Variants in RTN1 observed in about 807,000 individuals in gnomAD.
RTN1 encodes the protein reticulon 1, also known as reticulon-1.
In RTN1, 25 loss-of-function variants were observed where a neutral mutation model predicts 65.5. The ratio of observed to expected loss-of-function variants is 0.38; its 90% confidence interval spans 0.28 to 0.53. RTN1 has a LOEUF of 0.53. Ranked by LOEUF, RTN1 falls within the 20% of genes least tolerant of loss-of-function variation. RTN1 has a pLI of 0.79. For synonymous variants in RTN1, 471 were observed against 447.6 expected, an observed-to-expected ratio of 1.05 and a Z score of -0.66; for missense variants, 983 against 1,025.4, an observed-to-expected ratio of 0.96 and a Z score of 0.57.
intron 3 of RTN1, among the ~76,000 whole-genome samples, chr14:59,678,929 A>G (rs1206975316): frequency 6.6e-6 from 1 of 152,214 alleles, no homozygotes; most frequent in Non-Finnish European, 1.5e-5. Context: ...TTATGCACAT[A>G]TAAGTTTAAG....
At chr14:59,840,338 C>T (rs1017110402) in intron 1 of RTN1, among the ~76,000 whole-genome samples, 1 of 152,126 alleles carries the variant, frequency 6.6e-6, no homozygotes, top group Non-Finnish European at 1.5e-5. Context: ...TCCAGAAGAG[C>T]TGTAAATGGA....
rs965996980 is a variant in RTN1 at position 59,672,998 on chromosome 14, A to T, written c.1765+53921T>A. 3.9e-5 allele frequency among the ~76,000 whole-genome samples: 6 copies of T among 152,164 alleles called. No homozygotes were observed. The East Asian group carries it at 1.2e-3, about 29-fold the overall frequency. On this transcript the variant is annotated intron_variant, in intron 3 of 8. Transcript: ENST00000267484. ...TAACTAGGAAGCTCAAAGTGAAATA[A>T]TTTACCCCTTTTCTTTATGACATTG...
intron 1 of RTN1, among the ~76,000 whole-genome samples, chr14:59,805,513 G>A (rs1044350189): frequency 6.6e-5 from 10 of 152,068 alleles, no homozygotes; most frequent in African/African-American, 1.9e-4. Context: ...CTTGTCCAAG[G>A]CCCTTATTTA....
chr14:59,664,859 G>GA lies in RTN1; in HGVS notation c.1766-57368dup, dbSNP rs767985404. Among the ~76,000 whole-genome samples the GA allele has an allele frequency of 9.2e-5, 14 of 152,214 alleles. No homozygotes were observed. In the South Asian group the frequency reaches 1.0e-3, roughly 11 times the overall value. On this transcript the variant is annotated intron_variant, in intron 3 of 8. Coordinates refer to ENST00000267484, the MANE Select transcript of RTN1 (RefSeq NM_021136.3). ...TTTTATTTCCCTGGGATAAATGCCAGAGTGCAATTACTGAGTCACAGGATA... is the reference window on the plus strand; with the variant it reads ...TTTTATTTCCCTGGGATAAATGCCAGAAGTGCAATTACTGAGTCACAGGATA...
At chr14:59,723,252 T>A (rs1035623326) in intron 3 of RTN1, among the ~76,000 whole-genome samples, 2 of 151,684 alleles carry the variant, frequency 1.3e-5, no homozygotes, top group South Asian at 2.1e-4. Flanking sequence ...AGGCCATTTG[T>A]TTGGCAAGAA....
chr14:59,630,717 G>GA, intron 3 of RTN1: 1 of 1,126,428 alleles, frequency 8.9e-7, no homozygotes, highest in Non-Finnish European at 1.1e-6. Context: ...CGCGGCCCCG[G>GA]AGCCGCCTGC....
chr14:59,837,935 C>A (rs1887241899), intron 1 of RTN1, among the ~76,000 whole-genome samples: 1 of 151,526 alleles, frequency 6.6e-6, no homozygotes, highest in Non-Finnish European at 1.5e-5. Flanking sequence ...GGTTTGGGGT[C>A]TTTTTAAAAT....
intron 1 of RTN1, among the ~76,000 whole-genome samples, chr14:59,771,040 GT>G (rs1487952104): frequency 4.1e-5 from 6 of 147,218 alleles, no homozygotes; most frequent in Admixed American, 4.1e-4. Context: ...GTGAGACTCC[GT>G]CTCAAAAAAA....
At chr14:59,838,662 T>A (rs1440455477) in intron 1 of RTN1, among the ~76,000 whole-genome samples, 1 of 152,184 alleles carries the variant, frequency 6.6e-6, no homozygotes, top group African/African-American at 2.4e-5. Context: ...CACGTATATA[T>A]GTCTGTATAT....
intron 1 of RTN1, among the ~76,000 whole-genome samples, chr14:59,815,510 T>C (rs1886804253): frequency 6.6e-6 from 1 of 152,200 alleles, no homozygotes; most frequent in African/African-American, 2.4e-5. Flanking sequence ...CTTCACAAGA[T>C]TCTCAGATGG....
chr14:59,659,647 A>G (rs1883200959), intron 3 of RTN1, among the ~76,000 whole-genome samples: 1 of 152,238 alleles, frequency 6.6e-6, no homozygotes, highest in Admixed American at 6.5e-5. Flanking sequence ...ACTAAGCTTC[A>G]TAAGTGAAGA....
intron 3 of RTN1, chr14:59,630,808 C>A: frequency 9.8e-7 from 1 of 1,025,550 alleles, no homozygotes; most frequent in Non-Finnish European, 1.2e-6. Context: ...ACGGGTAAAG[C>A]GGTTCTGGCC....
chr14:59,746,899 A>G (rs1334857008), intron 1 of RTN1, among the ~76,000 whole-genome samples: 1 of 152,326 alleles, frequency 6.6e-6, no homozygotes. Context: ...TAACTGCAAC[A>G]ATAGGATAGC....
intron 1 of RTN1, among the ~76,000 whole-genome samples, chr14:59,811,652 A>G (rs2139613624): frequency 6.6e-6 from 1 of 152,314 alleles, no homozygotes. Context: ...AGATGCATTT[A>G]AAAATATCAC....
At chr14:59,636,111 A>C (rs1243134155) in intron 3 of RTN1, among the ~76,000 whole-genome samples, 1 of 152,240 alleles carries the variant, frequency 6.6e-6, no homozygotes, top group African/African-American at 2.4e-5. Context: ...ACATAGTTGA[A>C]ATAGGAAAGT....
Position 59,705,974 on chromosome 14 carries a change from C to T in RTN1, c.1765+20945G>A, listed in dbSNP as rs528095742. On this transcript the variant is annotated intron_variant, in intron 3 of 8. Coordinates refer to ENST00000267484, the MANE Select transcript of RTN1 (RefSeq NM_021136.3). ...GCTTTTCCTTCCAAGGCACAGAAAG[C>T]GGCTCTCTCTGAAATTCTCTTACCT... Among the ~76,000 whole-genome samples, 11 of 152,272 alleles carry T rather than the reference C, an allele frequency of 7.2e-5. No homozygotes were observed. In the South Asian group the frequency reaches 8.3e-4, roughly 11 times the overall value.
intron 1 of RTN1, among the ~76,000 whole-genome samples, chr14:59,811,382 T>G (rs1406430254): frequency 6.6e-6 from 1 of 152,212 alleles, no homozygotes; most frequent in Non-Finnish European, 1.5e-5. Flanking sequence ...CAAGCTAAAA[T>G]CAATGACAAT....
intron 1 of RTN1, among the ~76,000 whole-genome samples, chr14:59,814,849 A>G (rs1886792700): frequency 6.6e-6 from 1 of 152,238 alleles, no homozygotes; most frequent in South Asian, 2.1e-4. Context: ...TATCCTTATA[A>G]GGAAAAGTTA....
intron 3 of RTN1, among the ~76,000 whole-genome samples, chr14:59,694,488 A>C (rs1884023436): frequency 6.6e-6 from 1 of 152,260 alleles, no homozygotes; most frequent in East Asian, 1.9e-4. Context: ...ATTTTATATA[A>C]CAAAGCATAA....
Sources: gnomAD v4.1 joint callset for allele counts (sites outside exome capture counted in the v4.1 genomes callset) on GRCh38, gnomAD v4.1.1 for gene constraint, MANE v1.5 for transcripts, NCBI Gene and HGNC (gene_info 2026-07-23, HGNC 2026-07-21) for gene names.